Variants in HARS1 observed in about 807,000 individuals in gnomAD.
HARS1 encodes histidine--tRNA ligase, cytoplasmic.
A neutral mutation model predicts 63.6 loss-of-function variants in HARS1; 45 were observed. The ratio of observed to expected loss-of-function variants is 0.71; its 90% CI spans 0.56 to 0.91. The LOEUF is 0.91. Ranked by LOEUF, HARS1 falls within the 40% of genes least tolerant of loss-of-function variation. The pLI is 0.00. For missense variants in HARS1, 508 were observed against 643.2 expected (o/e 0.79, Z 2.27); for synonymous variants, 205 against 247.1 (o/e 0.83, Z 1.60).
rs1345370875 is a variant in HARS1 at position 140,677,746 on chromosome 5, T to A, written c.638A>T (p.Asp213Val). ...QIGDFLVKVN[D>V]RRILDGMFAI... Reference sequence around the variant, plus strand: ...AAACATCCCATCTAGAATGCGTCGATCGTTTACCTGCAAGGAACCAATGCA... The same window carrying A: ...AAACATCCCATCTAGAATGCGTCGAACGTTTACCTGCAAGGAACCAATGCA... The change falls in exon 7 of 13, where the codon GAT (aspartate) becomes GTT (valine). Residue 213 changes from aspartate to valine, a missense_variant. Asp to Val is a radical substitution (Grantham distance 152). Around this residue, in one of 2 missense-constraint regions of HARS1, gnomAD observed 403 missense variants for 548.7 expected, o/e 0.73. Coordinates refer to ENST00000504156, the MANE Select transcript of HARS1 (RefSeq NM_002109.6). 1.2e-6 allele frequency: 2 copies of A among 1,608,004 alleles called. No individual in the cohort carries two copies. The highest frequency in any genetic ancestry group is 1.7e-6 in the Non-Finnish European group (2 of 1,176,308).
At chr5:140,681,457 G>A (rs1007655618) in intron 3 of HARS1, among the ~76,000 whole-genome samples, 4 of 152,106 alleles carry the variant, frequency 2.6e-5, no homozygotes, top group African/African-American at 4.8e-5. Flanking sequence ...TGGAGGCCAG[G>A]AATTCAAGAC....
chr5:140,689,582 A>G (rs1377427033), intron 2 of HARS1, among the ~76,000 whole-genome samples: 2 of 152,184 alleles, frequency 1.3e-5, no homozygotes, highest in African/African-American at 2.4e-5. Flanking sequence ...TACAGGTGTA[A>G]GCCACCACAC....
At position 140,679,161 on chromosome 5, in the gene HARS1, T is replaced by C; in HGVS notation, c.397-34A>G. 6.2e-7 allele frequency: 1 copy of C among 1,610,600 alleles called. No individual in the cohort carries two copies. The highest frequency in any genetic ancestry group is 2.2e-5 in the East Asian group (1 of 44,824). ...AAAGAGTTAAGGAGAAAGCCCCTCC[T>C]ATCACTGTCTGCAAGTTGATTATCA... On this transcript the variant is annotated intron_variant, in intron 4 of 12. Transcript: ENST00000504156. The surrounding 1 kb of genome is among the most constrained non-coding windows in gnomAD (Gnocchi z 4.3).
chr5:140,689,401 T>C (rs1202258099), intron 2 of HARS1, among the ~76,000 whole-genome samples: 1 of 152,146 alleles, frequency 6.6e-6, no homozygotes, highest in Non-Finnish European at 1.5e-5. Flanking sequence ...AAAGGCTATG[T>C]AAATAGTTGC....
intron 8 of HARS1, 42 bp downstream of exon 8, chr5:140,677,285 G>C: frequency 6.8e-7 from 1 of 1,480,250 alleles, no homozygotes; most frequent in Non-Finnish European, 9.4e-7. Context: ...AGGACTGAGG[G>C]CAGTGGGACG....
rs1758592503 is a variant in HARS1 at position 140,679,515 on chromosome 5, G to A, written c.396+273C>T. ...CCATTAAGAAGAATTTTGTTCACTGGACAGGGCAGGGGAGAGGTATTCTGG... is the reference window on the plus strand; with the variant it reads ...CCATTAAGAAGAATTTTGTTCACTGAACAGGGCAGGGGAGAGGTATTCTGG... On this transcript the variant is annotated intron_variant, in intron 4 of 12. Coordinates refer to ENST00000504156, the MANE Select transcript of HARS1 (RefSeq NM_002109.6). This position sits in a 1 kb window ranked among gnomAD's most constrained non-coding sequence, Gnocchi z 4.3. The A allele has an allele frequency of 1.1e-5, 5 of 443,408 alleles. No homozygotes were observed. Among genetic ancestry groups the A allele is most frequent in the Middle Eastern group, 5.9e-4 (1 of 1,684 alleles). 27.5% of individuals were successfully genotyped at this position (443,408 alleles called of 1,614,324 possible). A position where few individuals can be genotyped will look rare whatever the true frequency, so the allele number is the denominator to read the frequency against.
intron 8 of HARS1, 80 bp downstream of exon 8, chr5:140,677,247 A>G: frequency 5.1e-6 from 7 of 1,378,532 alleles, no homozygotes; most frequent in Non-Finnish European, 7.2e-6. Context: ...ACTCCCCTAC[A>G]TACATAACAC....
chr5:140,681,456 G>C (rs1758726166), intron 3 of HARS1, among the ~76,000 whole-genome samples: 1 of 152,140 alleles, frequency 6.6e-6, no homozygotes, highest in Non-Finnish European at 1.5e-5. Flanking sequence ...CTGGAGGCCA[G>C]GAATTCAAGA....
intron 7 of HARS1, 85 bp from the exon 8 acceptor site, chr5:140,677,505 A>G (rs2149824310): frequency 1.7e-6 from 2 of 1,185,056 alleles, no homozygotes; most frequent in Non-Finnish European, 2.5e-6. Context: ...GAACCGTTTT[A>G]GAGCAGTAGC....
intron 2 of HARS1, chr5:140,683,570 G>A (rs916704990): frequency 1.9e-5 from 18 of 947,950 alleles, no homozygotes; most frequent in South Asian, 3.6e-5. Context: ...AGTGGCTCAC[G>A]CCTGTAATCC....
chr5:140,674,814 C>T lies in HARS1; in HGVS notation c.1323G>A (p.Leu441=), dbSNP rs1411849883. The T allele has an allele frequency of 2.5e-6, 4 of 1,614,090 alleles. No individual in the cohort carries two copies. The highest frequency in any genetic ancestry group is 1.6e-4 in the Middle Eastern group (1 of 6,084). The stretch of plus-strand genomic sequence containing the variant: ...TCAGTAGCTTTGGGTTCTTCTTGTA[C>T]AGCAGCTCAGCCTGCAGGGGACAAG... ...LWDAGIKAEL[L]YKKNPKLLNQ... Residue 441 remains leucine, a synonymous_variant, in exon 12 of 13, where the codon CTG becomes CTA. Coordinates refer to ENST00000504156, the MANE Select transcript of HARS1 (RefSeq NM_002109.6).
chr5:140,685,931 C>CT lies in HARS1; in HGVS notation c.181-2713dup, dbSNP rs895539158. On this transcript the variant is annotated intron_variant, in intron 2 of 12. Coordinates refer to ENST00000504156, the MANE Select transcript of HARS1 (RefSeq NM_002109.6). ...TCACTTCAGATCTCATCAAGAAAGT[C>CT]TTTTTTTTTTTTTTTTGAGATGGAG... 4.0e-3 allele frequency among the ~76,000 whole-genome samples: 548 copies of CT among 137,846 alleles called. 5 individuals are homozygous for CT. Among genetic ancestry groups the CT allele is most frequent in the African/African-American group, 9.1e-3 (344 of 37,732 alleles). The allele number at this position is 137,846 out of a possible 152,430, so 90.4% of individuals were successfully genotyped here.
rs1302713441 is a variant in HARS1 at position 140,680,412 on chromosome 5, T to C, written c.301-529A>G. 2.6e-5 allele frequency among the ~76,000 whole-genome samples: 4 copies of C among 152,014 alleles called. No homozygotes were observed. In the South Asian group the frequency reaches 6.3e-4, roughly 24 times the overall value. On this transcript the variant is annotated intron_variant, in intron 3 of 12. Transcript: ENST00000504156. ...TGCCCGCTTCAGCCTCCCAAAGTACTGGGATTACAAGTGCGAGCCACAGCG... is the reference window on the plus strand; with the variant it reads ...TGCCCGCTTCAGCCTCCCAAAGTACCGGGATTACAAGTGCGAGCCACAGCG...
intron 2 of HARS1, chr5:140,685,208 G>A (rs1758953677): frequency 6.6e-6 from 1 of 150,496 alleles, no homozygotes; most frequent in Non-Finnish European, 1.5e-5. Flanking sequence ...AGAACAATTA[G>A]TCTCTCACTT....
chr5:140,690,526 G>C (rs1759337385), intron 2 of HARS1, among the ~76,000 whole-genome samples: 1 of 152,154 alleles, frequency 6.6e-6, no homozygotes, highest in Non-Finnish European at 1.5e-5. Context: ...GCTCCATGAG[G>C]GTAGGCTATA....
chr5:140,677,336 G>T lies in HARS1; in HGVS notation c.814C>A (p.Gln272Lys). 6.2e-7 allele frequency: 1 copy of T among 1,610,048 alleles called. No homozygotes were observed. Among genetic ancestry groups the T allele is most frequent in the Non-Finnish European group, 8.5e-7 (1 of 1,176,506 alleles). Residue 272 changes from glutamine (Q) to lysine (K), a missense_variant, in exon 8 of 13, where the codon CAG becomes AAG. Transcript: ENST00000504156. ...EVADRIGDYV[Q>K]QHGGVSLVEQ... ...TGGTTCTGTTCCTCACCATGTTGCT[G>T]GACATAGTCCCCAATGCGGTCAGCC...
chr5:140,690,603 A>G (rs147637634), intron 2 of HARS1, among the ~76,000 whole-genome samples: 1 of 152,300 alleles, frequency 6.6e-6, no homozygotes, highest in African/African-American at 2.4e-5. Context: ...ATACACATTT[A>G]TTGAATGAAC....
In HARS1 at chr5:140,675,127, C is replaced by T. The variant is rs552434037; in HGVS notation, c.1201G>A (p.Glu401Lys). The T allele has an allele frequency of 1.2e-5, 20 of 1,600,856 alleles. No individual in the cohort carries two copies. The East Asian group carries it at 4.0e-4, about 32-fold the overall frequency. ...SIVEQRLEALEEKIRTTETQV... is the reference protein window; with the variant it reads ...SIVEQRLEALKEKIRTTETQV... The stretch of plus-strand genomic sequence containing the variant: ...GTCTCCGTGGTCCGTATCTTCTCCT[C>T]CAAAGCCTGGGGAAGGGGCAGATAA... Residue 401 changes from glutamate to lysine, a missense_variant, in exon 11 of 13, where the codon GAG becomes AAG. By Grantham distance (56) the Glu-to-Lys change is moderately conservative. Around this residue, in one of 2 missense-constraint regions of HARS1, gnomAD observed 403 missense variants for 548.7 expected, o/e 0.73. Coordinates refer to ENST00000504156, the MANE Select transcript of HARS1 (RefSeq NM_002109.6).
chr5:140,687,014 G>A (rs992792330), intron 2 of HARS1, among the ~76,000 whole-genome samples: 1 of 152,140 alleles, frequency 6.6e-6, no homozygotes, highest in African/African-American at 2.4e-5. Flanking sequence ...AAAAATGTCT[G>A]CCAAATATTT....
Sources: allele counts gnomAD v4.1 joint callset (sites outside exome capture counted in the v4.1 genomes callset), GRCh38; gene constraint gnomAD v4.1.1; regional missense constraint gnomAD v4.1.1; non-coding constraint Gnocchi (gnomAD v3.1); transcripts MANE v1.5; gene names NCBI Gene and HGNC (gene_info 2026-07-23, HGNC 2026-07-21).